Variants in SALL1 observed in about 807,000 individuals in gnomAD.
SALL1 encodes the protein sal-like protein 1.
A neutral mutation model predicts 73.1 loss-of-function variants in SALL1; 10 were observed. That is an observed-to-expected ratio of 0.14 (90% CI 0.08 to 0.23). The LOEUF (loss-of-function observed/expected upper bound fraction) is 0.23. Ranked by LOEUF, SALL1 falls within the 10% of genes least tolerant of loss-of-function variation. The pLI, the probability that SALL1 is intolerant of heterozygous loss-of-function variation, is 1.00. For missense variants in SALL1, 1,520 were observed against 1,697.3 expected, an observed-to-expected ratio of 0.90 and a Z score of 1.84; for synonymous variants, 688 against 689.8, an observed-to-expected ratio of 1.00 and a Z score of 0.04.
intron 2 of SALL1, among the ~76,000 whole-genome samples, chr16:51,138,333 AG>A (rs1222954537): frequency 6.7e-6 from 1 of 149,736 alleles, no homozygotes; most frequent in African/African-American, 2.5e-5. Context: ...GGCCACGTGG[AG>A]GTCTTTAATC....
Position 51,139,766 on chromosome 16 carries a change from T to C in SALL1, c.2456A>G (p.Asp819Gly). Reference sequence around the variant, plus strand: ...TTCATCAGAGAAGTTGTCTAGGTCATCAAAATTTTTCTCATCAAAGGAACC... The same window carrying C: ...TTCATCAGAGAAGTTGTCTAGGTCACCAAAATTTTTCTCATCAAAGGAACC... ...DTGSFDEKNF[D>G]DLDNFSDENM... is the part of the protein sequence containing the mutation. Residue 819 changes from aspartate (D) to glycine (G), a missense_variant, in exon 2 of 3, where the codon GAT becomes GGT. By Grantham distance (94) the Asp-to-Gly change is moderately conservative. Around this residue, in one of 7 missense-constraint regions of SALL1, gnomAD observed 266 missense variants for 275.1 expected, o/e 0.97. Transcript: ENST00000251020. The C allele has an allele frequency of 1.2e-6, 2 of 1,614,164 alleles. No individual in the cohort carries two copies. The highest frequency in any genetic ancestry group is 4.5e-5 in the East Asian group (2 of 44,882).
chr16:51,151,469 T>A (rs1443817084), upstream of SALL1: 1 of 178,482 alleles, frequency 5.6e-6, no homozygotes, highest in Non-Finnish European at 1.1e-5. Flanking sequence ...GAAAGGCGAT[T>A]GGCACCGGGC....
At position 51,139,001 on chromosome 16, in the gene SALL1, G is replaced by A. The variant is rs757798187; in HGVS notation, c.3221C>T (p.Ala1074Val). 36 of 1,614,178 alleles carry A rather than the reference G, an allele frequency of 2.2e-5. No homozygotes were observed. The highest frequency in any genetic ancestry group is 2.1e-4 in the South Asian group (19 of 91,078). The change falls in exon 2 of 3, where the codon GCG becomes GTG. Residue 1074 changes from alanine (A) to valine (V), a missense_variant. This residue lies in a region of SALL1 where 318 missense variants were observed against 357.1 expected (regional missense o/e 0.89). Coordinates refer to ENST00000251020, the MANE Select transcript of SALL1 (RefSeq NM_002968.3). ...TGACAACGAGTTGGCGGGAATCACC[G>A]CTGAGTTCTGATTGGGGCCAAGGTT... is the stretch of plus-strand genomic sequence containing the variant. ...SSNLGPNQNSAVIPANSLSSL... is the reference protein window; with the variant it reads ...SSNLGPNQNSVVIPANSLSSL...
In SALL1 at chr16:51,140,666, T is replaced by C. The variant is rs149727960; in HGVS notation, c.1556A>G (p.Asn519Ser). The C allele has an allele frequency of 9.9e-6, 16 of 1,614,104 alleles. No individual in the cohort carries two copies. The highest frequency in any genetic ancestry group is 1.4e-5 in the Non-Finnish European group (16 of 1,180,000). Reference sequence around the variant, plus strand: ...TGGGATGCCAGTACTCGTGGGGATATTGTCCAAATGCTCAGGCACAGGATA... The same window carrying C: ...TGGGATGCCAGTACTCGTGGGGATACTGTCCAAATGCTCAGGCACAGGATA... Reference protein sequence around the residue: ...NPYPVPEHLDNIPTSTGIPYG... With the variant: ...NPYPVPEHLDSIPTSTGIPYG... The change falls in exon 2 of 3, where the codon AAT becomes AGT. Residue 519 changes from asparagine (N) to serine (S), a missense_variant. Physicochemically the swap from Asn to Ser is conservative, Grantham distance 46. Around this residue, in one of 7 missense-constraint regions of SALL1, gnomAD observed 276 missense variants for 259.1 expected, o/e 1.07. Coordinates refer to ENST00000251020, the MANE Select transcript of SALL1 (RefSeq NM_002968.3). The surrounding 1 kb of genome is among the most constrained non-coding windows in gnomAD (Gnocchi z 5.7).
chr16:51,140,217 G>C lies in SALL1; in HGVS notation c.2005C>G (p.Gln669Glu), dbSNP rs1368087663. 3 of 1,614,176 alleles carry C rather than the reference G, an allele frequency of 1.9e-6. No individual in the cohort carries two copies. Among genetic ancestry groups the C allele is most frequent in the Non-Finnish European group, 2.5e-6 (3 of 1,180,040 alleles). Residue 669 changes from glutamine to glutamate, a missense_variant, in exon 2 of 3, where the codon CAG becomes GAG. Transcript: ENST00000251020. The surrounding 1 kb of genome is among the most constrained non-coding windows in gnomAD (Gnocchi z 5.7). ...TNPLLPLMSE[Q>E]FKAKFPFGGL... is the part of the protein sequence containing the mutation. ...CCAAAAGGAAACTTGGCCTTGAACT[G>C]CTCGGACATGAGCGGCAACAAAGGG...
At chr16:51,151,068 G>C (rs907322588) in intron 1 of SALL1, 98 bp downstream of exon 1, 5 of 756,044 alleles carry the variant, frequency 6.6e-6, no homozygotes, top group Non-Finnish European at 9.9e-6. Flanking sequence ...GCGGCGGTGA[G>C]GTAGGGGGCG....
rs2143441870 is a variant in SALL1 at position 51,139,886 on chromosome 16, A to G, written c.2336T>C (p.Val779Ala). 1 of 1,614,200 alleles carries G rather than the reference A, an allele frequency of 6.2e-7. No homozygotes were observed. Among genetic ancestry groups the G allele is most frequent in the Non-Finnish European group, 8.5e-7 (1 of 1,180,040 alleles). ...CATTCGGATGTGCTGCTGCAGGACC[A>G]CAGCGTTCGTGAACTTCTTCTGGCA... ...PICQKKFTNA[V>A]VLQQHIRMHM... The change falls in exon 2 of 3, where the codon GTG (valine) becomes GCG (alanine). Residue 779 changes from valine to alanine, a missense_variant. By Grantham distance (64) the Val-to-Ala change is moderately conservative (BLOSUM62 0). Transcript: ENST00000251020.
At chr16:51,137,595 A>T (rs376881327) in intron 2 of SALL1, 43 bp from the exon 3 acceptor site, 6 of 1,471,412 alleles carry the variant, frequency 4.1e-6, no homozygotes, top group Non-Finnish European at 5.7e-6. Flanking sequence ...AGAGAGAGAG[A>T]GAAAAAAAAG....
In SALL1 at chr16:51,140,824, G is replaced by T. The variant is rs758330038; in HGVS notation, c.1398C>A (p.Ile466=). ...KVFGSDSALQ[I]HLRSHTGERP... The stretch of plus-strand genomic sequence containing the variant: ...TCTCTCCGGTATGGGAACGCAAGTG[G>T]ATCTGCAAGGCACTGTCACTCCCAA... The change falls in exon 2 of 3, where the codon ATC becomes ATA. Residue 466 remains isoleucine, a synonymous_variant. Transcript: ENST00000251020. This position sits in a 1 kb window ranked among gnomAD's most constrained non-coding sequence, Gnocchi z 5.7. 6.8e-6 allele frequency: 11 copies of T among 1,614,074 alleles called. No homozygotes were observed. The Admixed American group carries it at 1.2e-4, about 17-fold the overall frequency.
rs1237749606 is a variant in SALL1 at position 51,140,550 on chromosome 16, G to A, written c.1672C>T (p.Pro558Ser). The change falls in exon 2 of 3, where the codon CCG becomes TCG. Residue 558 changes from proline to serine, a missense_variant. Around this residue, in one of 7 missense-constraint regions of SALL1, gnomAD observed 276 missense variants for 259.1 expected, o/e 1.07. Coordinates refer to ENST00000251020, the MANE Select transcript of SALL1 (RefSeq NM_002968.3). The surrounding 1 kb of genome is among the most constrained non-coding windows in gnomAD (Gnocchi z 5.7). ...AGGCTTGGGAGGGTTGGGGGCAACGGCAGGCCGACTGAAGTGGTCAGAGTA... is the reference window on the plus strand; with the variant it reads ...AGGCTTGGGAGGGTTGGGGGCAACGACAGGCCGACTGAAGTGGTCAGAGTA... Reference protein sequence around the residue: ...LPTLTTSVGLPLPPTLPSLIP... With the variant: ...LPTLTTSVGLSLPPTLPSLIP... 1.9e-6 allele frequency: 3 copies of A among 1,613,930 alleles called. No homozygotes were observed. The Admixed American group carries it at 5.0e-5, about 27-fold the overall frequency.
chr16:51,136,138 C>T lies in SALL1; in HGVS notation c.*974G>A, dbSNP rs746994279. 6.6e-6 allele frequency: 1 copy of T among 152,536 alleles called. No individual in the cohort carries two copies. Among genetic ancestry groups the T allele is most frequent in the Non-Finnish European group, 1.5e-5 (1 of 68,020 alleles). The allele number at this position is 152,536 out of a possible 1,614,324, so 9.4% of individuals were successfully genotyped here. A position where few individuals can be genotyped will look rare whatever the true frequency, so the allele number is the denominator to read the frequency against. The stretch of plus-strand genomic sequence containing the variant: ...ATGTAACAGTCCAATTTTTTTCTTC[C>T]ATACCTAAGACAAAATAAACAAACA... On this transcript the variant is annotated 3_prime_UTR_variant, in exon 3 of 3. Coordinates refer to ENST00000251020, the MANE Select transcript of SALL1 (RefSeq NM_002968.3).
At position 51,141,833 on chromosome 16, in the gene SALL1, G is replaced by C; in HGVS notation, c.389C>G (p.Pro130Arg). 1 of 1,613,794 alleles carries C rather than the reference G, an allele frequency of 6.2e-7. No homozygotes were observed. ...DREESMEVEA[P>R]VANKSGSGTS... ...GCCGCTGCCGCTTTTGTTAGCAACCGGGGCCTCCACCTCCATGGACTCTTC... is the reference window on the plus strand; with the variant it reads ...GCCGCTGCCGCTTTTGTTAGCAACCCGGGCCTCCACCTCCATGGACTCTTC... The change falls in exon 2 of 3, where the codon CCG becomes CGG. Residue 130 changes from proline to arginine, a missense_variant. This residue lies in a region of SALL1 where 540 missense variants were observed against 567.5 expected (regional missense o/e 0.95). Transcript: ENST00000251020. The surrounding 1 kb of genome is among the most constrained non-coding windows in gnomAD (Gnocchi z 5.4).
rs140591268 is a variant in SALL1, at chr16:51,140,624, G to T, written c.1598C>A (p.Pro533His). The T allele has an allele frequency of 8.7e-6, 14 of 1,614,182 alleles. No homozygotes were observed. In the African/African-American group the frequency reaches 1.9e-4, roughly 22 times the overall value. Residue 533 changes from proline to histidine, a missense_variant, in exon 2 of 3, where the codon CCT becomes CAT. Transcript: ENST00000251020. This position sits in a 1 kb window ranked among gnomAD's most constrained non-coding sequence, Gnocchi z 5.7. ...STGIPYGMSI[P>H]PEKPVTSWLD... ...CCAGCTGGTGACTGGCTTCTCTGGA[G>T]GGATGGACATGCCATATGGGATGCC...
intron 1 of SALL1, among the ~76,000 whole-genome samples, chr16:51,145,023 C>T (rs528696428): frequency 2.0e-5 from 3 of 151,644 alleles, no homozygotes; most frequent in Non-Finnish European, 4.4e-5. Flanking sequence ...AAGCAGGTGT[C>T]GCTACACTGC....
Position 51,140,204 on chromosome 16 carries a change from T to G in SALL1, c.2018A>C (p.Lys673Thr). The change falls in exon 2 of 3, where the codon AAG becomes ACG. Residue 673 changes from lysine to threonine, a missense_variant. This residue lies in a region of SALL1 where 276 missense variants were observed against 259.1 expected (regional missense o/e 1.07). Coordinates refer to ENST00000251020, the MANE Select transcript of SALL1 (RefSeq NM_002968.3). This position sits in a 1 kb window ranked among gnomAD's most constrained non-coding sequence, Gnocchi z 5.7. ...LPLMSEQFKA[K>T]FPFGGLLDSA... ...GTCCAGGAGTCCCCCAAAAGGAAAC[T>G]TGGCCTTGAACTGCTCGGACATGAG... 2 of 1,614,176 alleles carry G rather than the reference T, an allele frequency of 1.2e-6. No individual in the cohort carries two copies. The highest frequency in any genetic ancestry group is 1.3e-5 in the African/African-American group (1 of 75,060).
At chr16:51,145,070 C>A (rs954478475) in intron 1 of SALL1, among the ~76,000 whole-genome samples, 7 of 143,968 alleles carry the variant, frequency 4.9e-5, no homozygotes, top group Non-Finnish European at 7.6e-5. Flanking sequence ...GCATTCGGAA[C>A]AAAATTCCAA....
chr16:51,149,738 C>T (rs1962568587), intron 1 of SALL1: 2 of 152,266 alleles, frequency 1.3e-5, no homozygotes, highest in South Asian at 2.1e-4. Flanking sequence ...GAGCGGGGGT[C>T]CCTTCGCTTC....
Position 51,137,092 on chromosome 16 carries a change from T to A in SALL1, c.*20A>T, listed in dbSNP as rs1175599640. 3.4e-5 allele frequency: 55 copies of A among 1,613,564 alleles called. 1 individual carries two copies. Among genetic ancestry groups the A allele is most frequent in the Middle Eastern group, 1.6e-4 (1 of 6,082 alleles). On this transcript the variant is annotated 3_prime_UTR_variant, in exon 3 of 3. Coordinates refer to ENST00000251020, the MANE Select transcript of SALL1 (RefSeq NM_002968.3). ...GCATTCTGAACAGGAATGAATGCTA[T>A]GTCTCCAGCCCGAGCTGCTTTAACT...
chr16:51,141,987 C>T lies in SALL1; in HGVS notation c.235G>A (p.Ala79Thr), dbSNP rs536108231. ...QLVLIVNENP[A>T]SPPETFSPSP... ...GGGGAGAAGGTTTCGGGTGGGGAGGCTGGATTTTCATTTACGATTAAAACT... is the reference window on the plus strand; with the variant it reads ...GGGGAGAAGGTTTCGGGTGGGGAGGTTGGATTTTCATTTACGATTAAAACT... The change falls in exon 2 of 3, where the codon GCC becomes ACC. Residue 79 changes from alanine (A) to threonine (T), a missense_variant. This residue lies in a region of SALL1 where 540 missense variants were observed against 567.5 expected (regional missense o/e 0.95). Coordinates refer to ENST00000251020, the MANE Select transcript of SALL1 (RefSeq NM_002968.3). This position sits in a 1 kb window ranked among gnomAD's most constrained non-coding sequence, Gnocchi z 5.4. The T allele has an allele frequency of 6.8e-6, 11 of 1,613,862 alleles. No individual in the cohort carries two copies. Among genetic ancestry groups the T allele is most frequent in the East Asian group, 2.2e-5 (1 of 44,900 alleles).
Sources: allele counts gnomAD v4.1 joint callset (sites outside exome capture counted in the v4.1 genomes callset), GRCh38; gene constraint gnomAD v4.1.1; regional missense constraint gnomAD v4.1.1; non-coding constraint Gnocchi (gnomAD v3.1); transcripts MANE v1.5; gene names NCBI Gene and HGNC (gene_info 2026-07-23, HGNC 2026-07-21).